ITGAX: variants seen among roughly 807,000 people sequenced by gnomAD.
ITGAX encodes the protein integrin alpha-X.
In ITGAX, 99 loss-of-function variants were observed where a neutral mutation model predicts 140.2. The ratio of observed to expected loss-of-function variants is 0.71; its 90% CI spans 0.60 to 0.83. The LOEUF is 0.83. Ranked by LOEUF, ITGAX falls within the 40% of genes least tolerant of loss-of-function variation. The pLI is 0.00. For missense variants in ITGAX, 1,444 were observed against 1,482.0 expected (o/e 0.97, Z 0.42); for synonymous variants, 631 against 600.4 (o/e 1.05, Z -0.75).
chr16:31,360,021 G>A lies in ITGAX; in HGVS notation c.663G>A (p.Gln221=). 6.2e-7 allele frequency: 1 copy of A among 1,613,534 alleles called. No homozygotes were observed. Among genetic ancestry groups the A allele is most frequent in the Non-Finnish European group, 8.5e-7 (1 of 1,180,042 alleles). ...TCAGCCTGTTGGCTTCTGTTCACCA[G>A]CTGCAAGGGTTTACATACACGGCCA... ...NPLSLLASVH[Q]LQGFTYTATA... The change falls in exon 7 of 30, where the codon CAG becomes CAA. Residue 221 remains glutamine, a synonymous_variant. Coordinates refer to ENST00000268296, the MANE Select transcript of ITGAX (RefSeq NM_000887.5).
At position 31,355,238 on chromosome 16, in the gene ITGAX, C is replaced by A. The variant is rs201231312; in HGVS notation, c.-17C>A. On this transcript the variant is annotated 5_prime_UTR_variant, in exon 1 of 30. Coordinates refer to ENST00000268296, the MANE Select transcript of ITGAX (RefSeq NM_000887.5). ...AACGGCCCAGGAGCTCAGAGCTCCA[C>A]ATCTGACCTTCTAGTCATGACCAGG... The A allele has an allele frequency of 6.2e-7, 1 of 1,613,776 alleles. No homozygotes were observed. Among genetic ancestry groups the A allele is most frequent in the East Asian group, 2.2e-5 (1 of 44,882 alleles).
intron 19 of ITGAX, 121 bp downstream of exon 19, chr16:31,372,791 C>T: frequency 9.9e-7 from 1 of 1,007,520 alleles, no homozygotes; most frequent in Non-Finnish European, 1.5e-6. Context: ...GGTGTCTTGG[C>T]TGGGCACAGT....
rs1484524051 is a variant in ITGAX at position 31,363,252 on chromosome 16, G to C, written c.1588G>C (p.Asp530His). The C allele has an allele frequency of 6.2e-7, 1 of 1,613,872 alleles. No individual in the cohort carries two copies. The highest frequency in any genetic ancestry group is 8.5e-7 in the Non-Finnish European group (1 of 1,179,936). ...TGGGGCGGCTCTGACAGTGCTGGGG[G>C]ATGTGAATGGGGACAAGCTGACAGA... is the stretch of plus-strand genomic sequence containing the variant. ...RFGAALTVLG[D>H]VNGDKLTDVV... The change falls in exon 14 of 30, where the codon GAT becomes CAT. Residue 530 changes from aspartate (D) to histidine (H), a missense_variant. Asp to His is a moderately conservative substitution (Grantham distance 81). Transcript: ENST00000268296.
chr16:31,362,486 T>C, intron 11 of ITGAX, 125 bp from the exon 12 acceptor site: 3 of 1,208,036 alleles, frequency 2.5e-6, no homozygotes, highest in Non-Finnish European at 3.3e-6. Context: ...GGATGGGGGC[T>C]GCATTGCCCA....
At chr16:31,372,809 G>A (rs144567640) in intron 19 of ITGAX, 139 bp downstream of exon 19, 59 of 826,184 alleles carry the variant, frequency 7.1e-5, no homozygotes, top group Non-Finnish European at 8.9e-5. Flanking sequence ...AGTGGCTCAC[G>A]CCTGTAATCC....
intron 5 of ITGAX, among the ~76,000 whole-genome samples, chr16:31,358,813 G>GTT (rs142979565): frequency 2.2e-5 from 3 of 139,154 alleles, no homozygotes; most frequent in African/African-American, 5.4e-5. Flanking sequence ...AATCTTCCTG[G>GTT]TTTTTTTTTT....
At chr16:31,356,936 C>G (rs1300890056) in intron 3 of ITGAX, 95 bp from the exon 4 acceptor site, 46 of 1,130,312 alleles carry the variant, frequency 4.1e-5, no homozygotes, top group Non-Finnish European at 5.4e-5. Flanking sequence ...ACCGTCAGAC[C>G]TCCTTGTCTC....
chr16:31,379,857 AC>A lies in ITGAX; in HGVS notation c.2974del (p.Gln992ArgfsTer56). ...GTGTGGATGGATGTGGAGGTCTCCC[AC>A]CCCCAGGTACCCAAGGACTGCATGT... ...EAVWMDVEVS[H>X]PQNPSLRCSS... On this transcript the variant is annotated frameshift_variant, in exon 25 of 30. Coordinates refer to ENST00000268296, the MANE Select transcript of ITGAX (RefSeq NM_000887.5). LOFTEE classifies it high-confidence loss of function. 1.2e-6 allele frequency: 2 copies of A among 1,613,806 alleles called. No individual in the cohort carries two copies. Among genetic ancestry groups the A allele is most frequent in the East Asian group, 2.2e-5 (1 of 44,864 alleles).
At chr16:31,368,443 A>G (rs2080914337) in intron 14 of ITGAX, among the ~76,000 whole-genome samples, 1 of 147,058 alleles carries the variant, frequency 6.8e-6, no homozygotes, top group African/African-American at 2.5e-5. Flanking sequence ...GGTTGCAGTG[A>G]GCCGAGATCA....
chr16:31,369,694 A>T (rs2080935640), intron 14 of ITGAX, among the ~76,000 whole-genome samples: 1 of 152,220 alleles, frequency 6.6e-6, no homozygotes, highest in Non-Finnish European at 1.5e-5. Context: ...TTTTAGATTT[A>T]GAGGGGGTAC....
intron 8 of ITGAX, 105 bp downstream of exon 8, chr16:31,360,568 C>A: frequency 1.8e-6 from 2 of 1,124,372 alleles, no homozygotes; most frequent in Non-Finnish European, 2.5e-6. Flanking sequence ...TGCTCTATCA[C>A]CCAGGAAGTG....
chr16:31,373,407 A>G lies in ITGAX; in HGVS notation c.2508+17A>G, dbSNP rs900293963. On this transcript the variant is annotated intron_variant, in intron 20 of 29. Coordinates refer to ENST00000268296, the MANE Select transcript of ITGAX (RefSeq NM_000887.5). ...GAGGGCCAGGTGCACCCTCTGGGGA[A>G]GGAGGAGGAGGCAGGGCTGGGCGTT... 14 of 1,603,742 alleles carry G rather than the reference A, an allele frequency of 8.7e-6. No individual in the cohort carries two copies. The African/African-American group carries it at 1.2e-4, about 14-fold the overall frequency.
chr16:31,363,158 T>C lies in ITGAX; in HGVS notation c.1501-7T>C. 6 of 1,609,052 alleles carry C rather than the reference T, an allele frequency of 3.7e-6. No homozygotes were observed. The highest frequency in any genetic ancestry group is 5.1e-6 in the Non-Finnish European group (6 of 1,177,734). On this transcript the variant is annotated splice_polypyrimidine_tract_variant and splice_region_variant and intron_variant, in intron 13 of 29. Transcript: ENST00000268296. ...GGGTTGGGCCTGGCACTGCTTTTTT[T>C]CTGCAGTGGAGAAGGTGGTGGTGTG... is the stretch of plus-strand genomic sequence containing the variant.
Position 31,361,816 on chromosome 16 carries a change from A to G in ITGAX, c.1013-20A>G, listed in dbSNP as rs2142491538. On this transcript the variant is annotated intron_variant, in intron 9 of 29. Transcript: ENST00000268296. ...AGCCCGTCTCCCTCCCTGGCACTCA[A>G]GCGTCATGCCTTCCCCCAGGTACGG... 1 of 1,613,664 alleles carries G rather than the reference A, an allele frequency of 6.2e-7. No homozygotes were observed. Among genetic ancestry groups the G allele is most frequent in the Non-Finnish European group, 8.5e-7 (1 of 1,179,670 alleles).
At position 31,382,988 on chromosome 16, in the gene ITGAX, G is replaced by C. The variant is rs914602597; in HGVS notation, c.*1081G>C. 6.2e-6 allele frequency: 1 copy of C among 161,348 alleles called. No homozygotes were observed. 10.0% of individuals were successfully genotyped at this position (161,348 alleles called of 1,614,324 possible). On this transcript the variant is annotated 3_prime_UTR_variant, in exon 30 of 30. Coordinates refer to ENST00000268296, the MANE Select transcript of ITGAX (RefSeq NM_000887.5). ...ATGTCAAAGGTCTAAAAATAAAAAAGCCTTCTGTGGATATGAGTCCTGAAG... is the reference window on the plus strand; with the variant it reads ...ATGTCAAAGGTCTAAAAATAAAAAACCCTTCTGTGGATATGAGTCCTGAAG...
intron 5 of ITGAX, among the ~76,000 whole-genome samples, chr16:31,359,272 A>G (rs1240948814): frequency 6.6e-6 from 1 of 152,050 alleles, no homozygotes; most frequent in Non-Finnish European, 1.5e-5. Flanking sequence ...AGGTTCAAGC[A>G]ATTCTGCCTC....
At chr16:31,368,380 C>A (rs1401988906) in intron 14 of ITGAX, among the ~76,000 whole-genome samples, 1 of 151,140 alleles carries the variant, frequency 6.6e-6, no homozygotes, top group Non-Finnish European at 1.5e-5. Flanking sequence ...TGTCTGTAAT[C>A]CCAGCTACTC....
At chr16:31,377,428 C>T (rs898114659) in intron 23 of ITGAX, among the ~76,000 whole-genome samples, 163 bp downstream of exon 23, 5 of 152,142 alleles carry the variant, frequency 3.3e-5, no homozygotes, top group Admixed American at 6.5e-5. Flanking sequence ...ATGCCTTCCT[C>T]GAATTTGCTG....
At chr16:31,362,039 C>T (rs554656941) in intron 10 of ITGAX, 36 bp from the exon 11 acceptor site, 46 of 1,613,908 alleles carry the variant, frequency 2.9e-5, no homozygotes, top group Admixed American at 2.7e-4. Context: ...CTTCCTGCTC[C>T]GGCCTCTGCT....
Sources: gnomAD v4.1 joint callset for allele counts (sites outside exome capture counted in the v4.1 genomes callset) on GRCh38, gnomAD v4.1.1 for gene constraint, MANE v1.5 for transcripts, NCBI Gene and HGNC (gene_info 2026-07-23, HGNC 2026-07-21) for gene names.